The following PAX5 variants were observed in gnomAD, a reference collection of about 807,000 sequenced individuals.
PAX5 encodes the protein paired box protein Pax-5.
Under a neutral mutation model 43.7 loss-of-function variants are expected in PAX5, and 9 were observed. The ratio of observed to expected loss-of-function variants is 0.21; its 90% CI spans 0.12 to 0.36. PAX5 has a LOEUF of 0.36. PAX5 is among the 10% of genes least tolerant of loss of function. The pLI is 1.00. For missense variants in PAX5, 383 were observed against 532.7 expected (o/e 0.72, Z 2.77); for synonymous variants, 228 against 214.3 (o/e 1.06, Z -0.56).
chr9:36,897,166 C>T (rs1479350413), intron 7 of PAX5, among the ~76,000 whole-genome samples: 1 of 152,182 alleles, frequency 6.6e-6, no homozygotes, highest in African/African-American at 2.4e-5. Context: ...TCAGTCTGAG[C>T]TTCCTCGGGT....
chr9:36,959,423 A>G (rs2132151343), intron 6 of PAX5, among the ~76,000 whole-genome samples: 1 of 152,170 alleles, frequency 6.6e-6, no homozygotes, highest in Non-Finnish European at 1.5e-5. Context: ...CTTGCCCACA[A>G]CCTCAAGCCT....
intron 5 of PAX5, among the ~76,000 whole-genome samples, chr9:36,979,475 G>T (rs1016003600): frequency 1.3e-5 from 2 of 152,152 alleles, no homozygotes; most frequent in African/African-American, 4.8e-5. Flanking sequence ...CATCTGAAAA[G>T]GATAACAGCG....
Position 36,846,896 on chromosome 9 carries a change from G to C in PAX5, c.1046C>G (p.Pro349Arg). The change falls in exon 9 of 10, where the codon CCT becomes CGT. Residue 349 changes from proline (P) to arginine (R), a missense_variant. Pro to Arg is a moderately radical substitution (Grantham distance 103). Transcript: ENST00000358127. Reference sequence around the variant, plus strand: ...GGAGTCGTTGTACGAGGAATACTGAGGGTGGCTGTAGGGACTCCCGGAAAA... The same window carrying C: ...GGAGTCGTTGTACGAGGAATACTGACGGTGGCTGTAGGGACTCCCGGAAAA... ...SEFSGSPYSH[P>R]QYSSYNDSWR... The C allele has an allele frequency of 6.2e-7, 1 of 1,614,090 alleles. No individual in the cohort carries two copies. The highest frequency in any genetic ancestry group is 8.5e-7 in the Non-Finnish European group (1 of 1,179,914).
At chr9:36,893,361 C>G (rs1172097644) in intron 7 of PAX5, 1 of 152,290 alleles carries the variant, frequency 6.6e-6, no homozygotes, top group Non-Finnish European at 1.5e-5. Flanking sequence ...CTCTCCCAGG[C>G]TGGCATCCAG....
At chr9:37,013,423 T>C (rs1236016165) in intron 3 of PAX5, among the ~76,000 whole-genome samples, 2 of 152,140 alleles carry the variant, frequency 1.3e-5, no homozygotes, top group African/African-American at 4.8e-5. Flanking sequence ...CAATTATATG[T>C]GTACTCTACG....
At chr9:36,916,183 G>C (rs1312443105) in intron 7 of PAX5, among the ~76,000 whole-genome samples, 1 of 152,052 alleles carries the variant, frequency 6.6e-6, no homozygotes, top group African/African-American at 2.4e-5. Context: ...TATTCAACAG[G>C]CCCAATTGTC....
chr9:36,966,472 G>C, intron 6 of PAX5, 77 bp downstream of exon 6: 2 of 1,511,770 alleles, frequency 1.3e-6, no homozygotes, highest in Non-Finnish European at 1.8e-6. Context: ...CACCCCGCCA[G>C]ATGCCTCTGC....
intron 8 of PAX5, chr9:36,861,454 G>C (rs543417394): frequency 1.3e-5 from 2 of 149,412 alleles, no homozygotes; most frequent in East Asian, 3.9e-4. Flanking sequence ...CGGCATGCTA[G>C]ATAATGATGG....
intron 8 of PAX5, among the ~76,000 whole-genome samples, chr9:36,881,293 G>A (rs1826389581): frequency 6.6e-6 from 1 of 152,168 alleles, no homozygotes; most frequent in Admixed American, 6.5e-5. Context: ...ACAACATCCA[G>A]TGGAGGCCCG....
At chr9:36,889,759 G>A (rs1032064392) in intron 7 of PAX5, among the ~76,000 whole-genome samples, 1 of 152,222 alleles carries the variant, frequency 6.6e-6, no homozygotes, top group African/African-American at 2.4e-5. Context: ...TTAATCATAT[G>A]ACATTGGGTC....
chr9:36,936,064 T>A (rs1452745982), intron 6 of PAX5, among the ~76,000 whole-genome samples: 1 of 152,192 alleles, frequency 6.6e-6, no homozygotes, highest in Non-Finnish European at 1.5e-5. Context: ...TCATTAGAAA[T>A]GGAAAGTGAT....
chr9:36,863,984 C>T (rs997372192), intron 8 of PAX5, among the ~76,000 whole-genome samples: 30 of 152,296 alleles, frequency 2.0e-4, no homozygotes, highest in African/African-American at 7.0e-4. Flanking sequence ...TGGCATGTGC[C>T]TGTAGTCCCA....
chr9:36,905,417 G>A (rs2131877118), intron 7 of PAX5, among the ~76,000 whole-genome samples: 1 of 152,362 alleles, frequency 6.6e-6, no homozygotes, highest in South Asian at 2.1e-4. Context: ...GAGAGGGGAA[G>A]GGAATTCTCA....
At chr9:36,985,145 C>T (rs1212917571) in intron 5 of PAX5, among the ~76,000 whole-genome samples, 2 of 152,182 alleles carry the variant, frequency 1.3e-5, no homozygotes, top group African/African-American at 4.8e-5. Flanking sequence ...TCAGTTTGTC[C>T]GTCTTCAAAT....
intron 7 of PAX5, chr9:36,893,421 C>T (rs940439662): frequency 6.6e-6 from 1 of 152,420 alleles, no homozygotes; most frequent in African/African-American, 2.4e-5. Context: ...ATGAACAATC[C>T]CAGCCCCTGC....
At chr9:36,984,746 G>A (rs529085605) in intron 5 of PAX5, among the ~76,000 whole-genome samples, 49 of 152,132 alleles carry the variant, frequency 3.2e-4, no homozygotes, top group African/African-American at 1.1e-3. Context: ...ATGAGCCACC[G>A]CACCCAGCCT....
At chr9:36,954,708 T>C (rs1483573376) in intron 6 of PAX5, among the ~76,000 whole-genome samples, 1 of 152,218 alleles carries the variant, frequency 6.6e-6, no homozygotes, top group Non-Finnish European at 1.5e-5. Flanking sequence ...TTTAACTTGC[T>C]TGGGATTTAG....
chr9:36,966,495 G>C, intron 6 of PAX5, 54 bp downstream of exon 6: 1 of 1,580,920 alleles, frequency 6.3e-7, no homozygotes, highest in South Asian at 1.2e-5. Context: ...TCAGGAACCT[G>C]GCTGGGCCGG....
chr9:36,963,631 C>T (rs1834161441), intron 6 of PAX5, among the ~76,000 whole-genome samples: 1 of 152,052 alleles, frequency 6.6e-6, no homozygotes, highest in South Asian at 2.1e-4. Flanking sequence ...TGAGTGAATC[C>T]ATGGGCGGCT....
Sources: allele counts gnomAD v4.1 joint callset (sites outside exome capture counted in the v4.1 genomes callset), GRCh38; gene constraint gnomAD v4.1.1; transcripts MANE v1.5; gene names NCBI Gene and HGNC (gene_info 2026-07-23, HGNC 2026-07-21).